PKD1L1: variants seen among roughly 807,000 people sequenced by gnomAD.
The protein encoded by PKD1L1 is polycystin-1-like protein 1.
PKD1L1 carries 236 observed loss-of-function variants against 323.4 expected under a neutral mutation model. The observed-to-expected ratio is 0.73, with a 90% CI of 0.66 to 0.81. PKD1L1 has a LOEUF of 0.81. PKD1L1 is among the 40% of genes least tolerant of loss of function. The pLI, the probability that PKD1L1 is intolerant of heterozygous loss-of-function variation, is 0.00. For missense variants in PKD1L1, 3,320 were observed against 3,508.0 expected (o/e 0.95, Z 1.35); for synonymous variants, 1,344 against 1,335.0 (o/e 1.01, Z -0.15).
chr7:47,863,323 T>C (rs761434122), intron 26 of PKD1L1, among the ~76,000 whole-genome samples: 3 of 152,084 alleles, frequency 2.0e-5, no homozygotes, highest in Non-Finnish European at 4.4e-5. Context: ...CGTGTAGTTA[T>C]ACGTGCGTGT....
intron 28 of PKD1L1, among the ~76,000 whole-genome samples, chr7:47,856,399 A>G (rs1785905680): frequency 6.6e-6 from 1 of 152,224 alleles, no homozygotes; most frequent in South Asian, 2.1e-4. Context: ...TGACATAATA[A>G]CAATTAGCTA....
rs575566102 is a variant in PKD1L1 at position 47,837,190 on chromosome 7, C to T, written c.5770-96G>A. ...GCAGTGATCTTCTGAGCAGAGACCA[C>T]GAGCTTTCTGGTTCTTCCATCCTAG... On this transcript the variant is annotated intron_variant, in intron 36 of 56. Coordinates refer to ENST00000289672, the MANE Select transcript of PKD1L1 (RefSeq NM_138295.5). 8.7e-5 allele frequency: 121 copies of T among 1,385,346 alleles called. No homozygotes were observed. In the African/African-American group the frequency reaches 1.2e-3, roughly 14 times the overall value. The allele number at this position is 1,385,346 out of a possible 1,614,324, so 85.8% of individuals were successfully genotyped here. A position where few individuals can be genotyped will look rare whatever the true frequency, so the allele number is the denominator to read the frequency against.
Position 47,858,743 on chromosome 7 carries a change from T to C in PKD1L1, c.4292A>G (p.Glu1431Gly). Reference sequence around the variant, plus strand: ...GACTTCCTCCTTCGAGTTTTCTTGCTCAGAGACTTCCCAGACTCTGGATAT... The same window carrying C: ...GACTTCCTCCTTCGAGTTTTCTTGCCCAGAGACTTCCCAGACTCTGGATAT... ...GLISRVWEVS[E>G]QENSKEEVYR... The change falls in exon 27 of 57, where the codon GAG (glutamate) becomes GGG (glycine). Residue 1431 changes from glutamate to glycine, a missense_variant. Physicochemically the swap from Glu to Gly is moderately conservative, Grantham distance 98. Coordinates refer to ENST00000289672, the MANE Select transcript of PKD1L1 (RefSeq NM_138295.5). 1 of 1,614,158 alleles carries C rather than the reference T, an allele frequency of 6.2e-7. No individual in the cohort carries two copies. Among genetic ancestry groups the C allele is most frequent in the South Asian group, 1.1e-5 (1 of 91,078 alleles).
chr7:47,853,766 C>CCA (rs1785835270), intron 30 of PKD1L1, among the ~76,000 whole-genome samples: 3 of 108,186 alleles, frequency 2.8e-5, no homozygotes, highest in Admixed American at 9.7e-5. Context: ...ACAAACAAAC[C>CCA]AAAAAAAAAA....
chr7:47,815,158 T>C (rs2128730645), intron 47 of PKD1L1, among the ~76,000 whole-genome samples, 176 bp downstream of exon 47: 1 of 152,322 alleles, frequency 6.6e-6, no homozygotes, highest in East Asian at 1.9e-4. Flanking sequence ...CAATGGGTTC[T>C]GGCAGGAAAG....
intron 25 of PKD1L1, 36 bp downstream of exon 25, chr7:47,866,383 T>C (rs1323445983): frequency 6.3e-7 from 1 of 1,598,088 alleles, no homozygotes; most frequent in Admixed American, 1.8e-5. Flanking sequence ...TGATAAAGGT[T>C]TACAGACACT....
At chr7:47,910,251 T>A (rs1787289706) in intron 8 of PKD1L1, among the ~76,000 whole-genome samples, 1 of 152,106 alleles carries the variant, frequency 6.6e-6, no homozygotes, top group Non-Finnish European at 1.5e-5. Flanking sequence ...GCAGTTTATA[T>A]AATAGTTAAG....
rs567128467 is a variant in PKD1L1 at position 47,840,364 on chromosome 7, A to G, written c.5552+97T>C. Reference sequence around the variant, plus strand: ...AATCGATGCTCACTATTAGAGACCAATGTTATGTATTCTACTGTTTTGTAT... The same window carrying G: ...AATCGATGCTCACTATTAGAGACCAGTGTTATGTATTCTACTGTTTTGTAT... On this transcript the variant is annotated intron_variant, in intron 35 of 56. Transcript: ENST00000289672. This position sits in a 1 kb window ranked among gnomAD's most constrained non-coding sequence, Gnocchi z 4.1. 24 of 796,794 alleles carry G rather than the reference A, an allele frequency of 3.0e-5. No homozygotes were observed. The highest frequency in any genetic ancestry group is 1.2e-4 in the African/African-American group (7 of 58,326). The allele number at this position is 796,794 out of a possible 1,614,324, so 49.4% of individuals were successfully genotyped here.
intron 28 of PKD1L1, among the ~76,000 whole-genome samples, chr7:47,855,875 CAAAAAA>C (rs536157879): frequency 0.28 from 8,924 of 31,718 alleles, 283 homozygotes; most frequent in South Asian, 0.38. Context: ...GACTCCGTCT[CAAAAAA>C]AAAAAAAAAA....
At position 47,857,785 on chromosome 7, in the gene PKD1L1, C is replaced by T; in HGVS notation, c.4410G>A (p.Arg1470=). The T allele has an allele frequency of 4.3e-6, 7 of 1,614,082 alleles. No individual in the cohort carries two copies. Among genetic ancestry groups the T allele is most frequent in the Non-Finnish European group, 5.9e-6 (7 of 1,180,030 alleles). The change falls in exon 28 of 57, where the codon CGG becomes CGA. Residue 1470 remains arginine, a synonymous_variant. Coordinates refer to ENST00000289672, the MANE Select transcript of PKD1L1 (RefSeq NM_138295.5). ...NHVSTGQMEF[R]TLLHYNLQSS... Reference sequence around the variant, plus strand: ...TCTGAAGGTTGTAATGAAGAAGGGTCCGGAACTCCATCTGCCCAGTGCTAA... The same window carrying T: ...TCTGAAGGTTGTAATGAAGAAGGGTTCGGAACTCCATCTGCCCAGTGCTAA...
Position 47,846,933 on chromosome 7 carries a change from T to C in PKD1L1, c.5099A>G (p.Lys1700Arg), listed in dbSNP as rs767792066. Residue 1700 changes from lysine to arginine, a missense_variant, in exon 32 of 57, where the codon AAA becomes AGA. Physicochemically the swap from Lys to Arg is conservative, Grantham distance 26. Transcript: ENST00000289672. ...RCLFWDKREW[K>R]SERFSPQPGT... ...TGGTTGTGGAGAGAAACGTTCAGAT[T>C]TCCACTCTCTCTTGTCCCAAAACAG... is the stretch of plus-strand genomic sequence containing the variant. The C allele has an allele frequency of 5.0e-6, 8 of 1,613,900 alleles. No homozygotes were observed. The highest frequency in any genetic ancestry group is 6.8e-6 in the Non-Finnish European group (8 of 1,179,922).
At chr7:47,880,944 G>A in intron 20 of PKD1L1, 139 bp from the exon 21 acceptor site, 1 of 534,466 alleles carries the variant, frequency 1.9e-6, no homozygotes, top group Non-Finnish European at 3.2e-6. Flanking sequence ...TGCCACTCCT[G>A]CTTGGAAAGG....
Position 47,890,302 on chromosome 7 carries a change from C to T in PKD1L1, c.2675+240G>A, listed in dbSNP as rs561724946. Among the ~76,000 whole-genome samples the T allele has an allele frequency of 3.9e-5, 6 of 152,340 alleles. No individual in the cohort carries two copies. The East Asian group carries it at 7.7e-4, about 20-fold the overall frequency. Reference sequence around the variant, plus strand: ...ATGAGGTTCCACTTGGAACCCCCGGCTGTGCCAGCTTTAGCTAGTGTGCTT... The same window carrying T: ...ATGAGGTTCCACTTGGAACCCCCGGTTGTGCCAGCTTTAGCTAGTGTGCTT... On this transcript the variant is annotated intron_variant, in intron 16 of 56. Transcript: ENST00000289672.
chr7:47,890,337 A>G (rs1456422149), intron 16 of PKD1L1, among the ~76,000 whole-genome samples: 1 of 152,200 alleles, frequency 6.6e-6, no homozygotes, highest in African/African-American at 2.4e-5. Context: ...TGGCTGTCAG[A>G]TGCTGCCCAG....
In PKD1L1 at chr7:47,881,902, T is replaced by C; in HGVS notation, c.3442+7A>G. 1 of 1,588,284 alleles carries C rather than the reference T, an allele frequency of 6.3e-7. No homozygotes were observed. Among genetic ancestry groups the C allele is most frequent in the Non-Finnish European group, 8.5e-7 (1 of 1,170,624 alleles). ...CAAATTGGAGGGTACAAAGAGGACA[T>C]TCATACCTGAGGATGAATAGCCTTG... On this transcript the variant is annotated splice_region_variant and intron_variant, in intron 20 of 56. Transcript: ENST00000289672.
At position 47,820,771 on chromosome 7, in the gene PKD1L1, C is replaced by T. The variant is rs188841246; in HGVS notation, c.6965+305G>A. Among the ~76,000 whole-genome samples the T allele has an allele frequency of 1.4e-4, 21 of 151,500 alleles. No homozygotes were observed. In the East Asian group the frequency reaches 2.1e-3, roughly 15 times the overall value. ...GTTAGAAATTGAGTGTCAGTTATTA[C>T]GAACTGCAACCATAGGCTTTGATAG... is the stretch of plus-strand genomic sequence containing the variant. On this transcript the variant is annotated intron_variant, in intron 46 of 56. Coordinates refer to ENST00000289672, the MANE Select transcript of PKD1L1 (RefSeq NM_138295.5).
chr7:47,803,090 C>T, intron 53 of PKD1L1, 120 bp downstream of exon 53: 2 of 1,259,970 alleles, frequency 1.6e-6, no homozygotes, highest in Admixed American at 2.2e-5. Flanking sequence ...GATTAGAAGA[C>T]TGGAATTCTA....
chr7:47,806,021 C>A (rs1784769190), intron 52 of PKD1L1, among the ~76,000 whole-genome samples: 1 of 152,302 alleles, frequency 6.6e-6, no homozygotes, highest in South Asian at 2.1e-4. Context: ...GGGGCTCTCC[C>A]CAGGTAAGTT....
At chr7:47,917,293 A>AAAGT (rs1787449422) in intron 7 of PKD1L1, among the ~76,000 whole-genome samples, 1 of 152,124 alleles carries the variant, frequency 6.6e-6, no homozygotes, top group African/African-American at 2.4e-5. Flanking sequence ...AAAGAATAAG[A>AAAGT]AAGTAAGAAC....
Sources: gnomAD v4.1 joint callset for allele counts (sites outside exome capture counted in the v4.1 genomes callset) on GRCh38, gnomAD v4.1.1 for gene constraint, Gnocchi (gnomAD v3.1) non-coding constraint, MANE v1.5 for transcripts, NCBI Gene and HGNC (gene_info 2026-07-23, HGNC 2026-07-21) for gene names.